LPA: variants seen among roughly 807,000 people sequenced by gnomAD.
LPA encodes lipoprotein(a), also known as apolipoprotein(a).
LPA carries 199 observed loss-of-function variants against 197.9 expected under a neutral mutation model. The observed-to-expected ratio is 1.01, with a 90% CI of 0.90 to 1.13. LPA has a LOEUF of 1.13. Ranked by LOEUF, LPA falls within the 50% of genes most tolerant of loss-of-function variation. The pLI, the probability that LPA is intolerant of heterozygous loss-of-function variation, is 0.00. For missense variants in LPA, 1,853 were observed against 1,785.8 expected (o/e 1.04, Z -0.68); for synonymous variants, 715 against 639.5 (o/e 1.12, Z -1.78).
At chr6:160,587,466 C>G (rs1467899719) in intron 24 of LPA, among the ~76,000 whole-genome samples, 1 of 152,100 alleles carries the variant, frequency 6.6e-6, no homozygotes, top group Non-Finnish European at 1.5e-5. Flanking sequence ...ATAGGAACCC[C>G]CTTTTTTTCT....
chr6:160,563,428 G>C (rs964634877), intron 28 of LPA, among the ~76,000 whole-genome samples: 2 of 152,216 alleles, frequency 1.3e-5, no homozygotes, highest in African/African-American at 4.8e-5. Flanking sequence ...TTTGGTCTGA[G>C]AGACTGTTTG....
intron 22 of LPA, among the ~76,000 whole-genome samples, chr6:160,591,642 G>A (rs1331492087): frequency 6.6e-6 from 1 of 152,150 alleles, no homozygotes; most frequent in Non-Finnish European, 1.5e-5. Context: ...CCTGGAGTAT[G>A]GTATAGCAAT....
rs569688079 is a variant in LPA at position 160,610,718 on chromosome 6, T to C, written c.2603+844A>G. ...GAGTCATCCCAAACTCCAATCCCTC[T>C]CCTCTGCTCAGCTAGATGGCTACAG... On this transcript the variant is annotated intron_variant, in intron 16 of 38. Coordinates refer to ENST00000316300, the MANE Select transcript of LPA (RefSeq NM_005577.4). 4.7e-4 allele frequency among the ~76,000 whole-genome samples: 71 copies of C among 152,198 alleles called. 1 individual carries two copies. Among genetic ancestry groups the C allele is most frequent in the African/African-American group, 1.6e-3 (67 of 41,522 alleles).
At position 160,604,987 on chromosome 6, in the gene LPA, C is replaced by G. The variant is rs555114692; in HGVS notation, c.2945+59G>C. ...TGAACACTCAGCTTGAAGCATGACT[C>G]TACTAACAGAAATTTCCACTGACCC... On this transcript the variant is annotated intron_variant, in intron 18 of 38. Transcript: ENST00000316300. 6.2e-5 allele frequency: 100 copies of G among 1,607,796 alleles called. No individual in the cohort carries two copies. The African/African-American group carries it at 1.2e-3, about 20-fold the overall frequency.
At chr6:160,646,689 T>C (rs1394952094) in intron 2 of LPA, among the ~76,000 whole-genome samples, 5 of 135,428 alleles carry the variant, frequency 3.7e-5, no homozygotes, top group Non-Finnish European at 7.8e-5. Context: ...GATCAGAGTA[T>C]TCTCCTTCTG....
Position 160,577,511 on chromosome 6 carries a change from A to T in LPA, c.4472-216T>A, listed in dbSNP as rs536924343. ...ATTATTTTTAAATCTAAAGATAAAGAACAGAGGAGAATGCTGGACATTGGA... is the reference window on the plus strand; with the variant it reads ...ATTATTTTTAAATCTAAAGATAAAGTACAGAGGAGAATGCTGGACATTGGA... On this transcript the variant is annotated intron_variant, in intron 27 of 38. Transcript: ENST00000316300. Among the ~76,000 whole-genome samples, 5 of 152,320 alleles carry T rather than the reference A, an allele frequency of 3.3e-5. No individual in the cohort carries two copies. In the South Asian group the frequency reaches 1.0e-3, roughly 32 times the overall value.
At chr6:160,569,401 C>A (rs892109733) in intron 28 of LPA, among the ~76,000 whole-genome samples, 2 of 151,882 alleles carry the variant, frequency 1.3e-5, no homozygotes, top group Admixed American at 1.3e-4. Flanking sequence ...CTATTTAATA[C>A]ATGGTGCTGG....
intron 16 of LPA, among the ~76,000 whole-genome samples, chr6:160,608,934 T>G (rs1779420090): frequency 6.6e-6 from 1 of 151,928 alleles, no homozygotes; most frequent in Non-Finnish European, 1.5e-5. Context: ...TTTGGTTAGT[T>G]TCCTATTCAG....
intron 18 of LPA, among the ~76,000 whole-genome samples, chr6:160,603,671 T>A (rs1427467599): frequency 6.6e-6 from 1 of 152,166 alleles, no homozygotes; most frequent in Non-Finnish European, 1.5e-5. Context: ...TGTAGTCAAG[T>A]TTTAAATTTA....
At position 160,548,661 on chromosome 6, in the gene LPA, T is replaced by G. The variant is rs143431368; in HGVS notation, c.4974-2A>C. On this transcript the variant is annotated splice_acceptor_variant, in intron 30 of 38. Transcript: ENST00000316300. LOFTEE classifies it high-confidence loss of function. Reference sequence around the variant, plus strand: ...CTGCAGTAGTTCATTGTCAGGCCACTGGAAATTCCAAAGCAATACAAGTTA... The same window carrying G: ...CTGCAGTAGTTCATTGTCAGGCCACGGGAAATTCCAAAGCAATACAAGTTA... 6.2e-7 allele frequency: 1 copy of G among 1,613,986 alleles called. No homozygotes were observed. Among genetic ancestry groups the G allele is most frequent in the Admixed American group, 1.7e-5 (1 of 60,004 alleles).
At chr6:160,547,729 T>G in intron 32 of LPA, 60 bp downstream of exon 32, 1 of 1,611,530 alleles carries the variant, frequency 6.2e-7, no homozygotes, top group South Asian at 1.1e-5. Context: ...CCTCTGCCCC[T>G]CTTCTGTTTG....
intron 33 of LPA, among the ~76,000 whole-genome samples, chr6:160,543,078 C>G (rs1778011676): frequency 6.6e-6 from 1 of 152,164 alleles, no homozygotes; most frequent in Admixed American, 6.5e-5. Context: ...ATGTGAGTCT[C>G]TGTGTGTGGA....
chr6:160,634,892 C>A lies in LPA; in HGVS notation c.1075+231G>T, dbSNP rs7746421. Among the ~76,000 whole-genome samples, 11 of 147,988 alleles carry A rather than the reference C, an allele frequency of 7.4e-5. 2 individuals are homozygous for A. The highest frequency in any genetic ancestry group is 4.2e-4 in the South Asian group (2 of 4,726). ...TTAGAAGGAGGTGAGTTGTGAAGCC[C>A]ATCACCCTGGAAGGTTTGTGCCCAT... On this transcript the variant is annotated intron_variant, in intron 7 of 38. Transcript: ENST00000316300.
At chr6:160,554,070 T>C (rs1778215671) in intron 30 of LPA, among the ~76,000 whole-genome samples, 1 of 152,154 alleles carries the variant, frequency 6.6e-6, no homozygotes, top group Non-Finnish European at 1.5e-5. Context: ...GGCCATCCAG[T>C]GAGTATTTTA....
rs573381985 is a variant in LPA, at chr6:160,650,618, T to G, written c.50-121A>C. The G allele has an allele frequency of 4.6e-4, 434 of 941,688 alleles. 5 individuals carry two copies. In the South Asian group the frequency reaches 5.3e-3, roughly 11 times the overall value. 58.3% of individuals were successfully genotyped at this position (941,688 alleles called of 1,614,324 possible). On this transcript the variant is annotated intron_variant, in intron 1 of 38. Coordinates refer to ENST00000316300, the MANE Select transcript of LPA (RefSeq NM_005577.4). ...ATTACGACCATTCTCTTCTCTTGAT[T>G]AGCAGGCAGACAGACGTGCAAAAAA...
At chr6:160,626,461 TG>T (rs1779652973) in intron 10 of LPA, among the ~76,000 whole-genome samples, 1 of 124,966 alleles carries the variant, frequency 8.0e-6, no homozygotes, top group Non-Finnish European at 1.7e-5. Context: ...TGTGTGTGTG[TG>T]TGTGTGTGTG....
rs536483099 is a variant in LPA, at chr6:160,590,851, G to T, written c.3787+93C>A. The T allele has an allele frequency of 2.6e-6, 4 of 1,525,196 alleles. No homozygotes were observed. In the South Asian group the frequency reaches 4.6e-5, roughly 17 times the overall value. The allele number at this position is 1,525,196 out of a possible 1,614,324, so 94.5% of individuals were successfully genotyped here. On this transcript the variant is annotated intron_variant, in intron 23 of 38. Coordinates refer to ENST00000316300, the MANE Select transcript of LPA (RefSeq NM_005577.4). ...ACCCTGAGTCCACATTCAGATTCCC[G>T]TGCAGCATGGAAGGCTTCTGTATCA...
intron 2 of LPA, among the ~76,000 whole-genome samples, chr6:160,647,046 AG>A (rs1453161383): frequency 6.6e-6 from 1 of 152,166 alleles, no homozygotes; most frequent in East Asian, 1.9e-4. Context: ...GACTTCTCAA[AG>A]CTGCCCTGGA....
Position 160,606,496 on chromosome 6 carries a change from T to A in LPA, c.2766A>T (p.Leu922=). 1 of 1,613,510 alleles carries A rather than the reference T, an allele frequency of 6.2e-7. No homozygotes were observed. Among genetic ancestry groups the A allele is most frequent in the East Asian group, 2.2e-5 (1 of 44,866 alleles). Residue 922 remains leucine, a synonymous_variant, in exon 17 of 39, where the codon CTA becomes CTT. Transcript: ENST00000316300. ...CCTTACCTTGTTCAGAAGGAGCCTC[T>A]AGGCTTGGAATCGGGGTAATAGTTG... ...APPTITPIPS[L]EAPSEQAPTE...
Sources: allele counts gnomAD v4.1 joint callset (sites outside exome capture counted in the v4.1 genomes callset), GRCh38; gene constraint gnomAD v4.1.1; transcripts MANE v1.5; gene names NCBI Gene and HGNC (gene_info 2026-07-23, HGNC 2026-07-21).